ARHGAP6: variants seen among roughly 807,000 people sequenced by gnomAD.
ARHGAP6 encodes the protein Rho GTPase activating protein 6.
Under a neutral mutation model 55.7 loss-of-function variants are expected in ARHGAP6, and 16 were observed. The ratio of observed to expected loss-of-function variants is 0.29; its 90% confidence interval spans 0.19 to 0.44. The LOEUF (loss-of-function observed/expected upper bound fraction) is 0.44. ARHGAP6 is among the 20% of genes least tolerant of loss of function. The probability of loss-of-function intolerance (pLI) is 1.00; values close to 1 mark genes in which losing one functional copy is unlikely to be tolerated. For synonymous variants in ARHGAP6, 382 were observed against 360.9 expected (o/e 1.06, Z -0.66); for missense variants, 698 against 808.9 (o/e 0.86, Z 1.66).
intron 1 of ARHGAP6, among the ~76,000 whole-genome samples, chrX:11,311,585 A>C (rs1273847821): frequency 1.8e-5 from 2 of 111,861 alleles, no homozygotes; most frequent in African/African-American, 6.5e-5. Flanking sequence ...TTGTCTTAAA[A>C]ATCTCAACCT....
chrX:11,201,987 A>ATGTGTGTG (rs1250170973), intron 2 of ARHGAP6, among the ~76,000 whole-genome samples: 1 of 28,793 alleles, frequency 3.5e-5, no homozygotes, highest in Admixed American at 4.7e-4. Flanking sequence ...GAGCATCTGG[A>ATGTGTGTG]TCTGTGTGTG....
chrX:11,308,520 T>C (rs774004021), intron 1 of ARHGAP6, among the ~76,000 whole-genome samples: 9 of 111,657 alleles, frequency 8.1e-5, no homozygotes, highest in Admixed American at 6.6e-4. Flanking sequence ...CCCTAATCAG[T>C]TATCGATGTT....
chrX:11,418,244 G>A (rs917282860), intron 1 of ARHGAP6, among the ~76,000 whole-genome samples: 4 of 112,147 alleles, frequency 3.6e-5, no homozygotes, highest in Admixed American at 1.9e-4. Context: ...TTAAGAATAA[G>A]AGGTACTTTC....
chrX:11,519,309 T>A (rs921919555), intron 1 of ARHGAP6, among the ~76,000 whole-genome samples: 1 of 109,926 alleles, frequency 9.1e-6, no homozygotes, highest in African/African-American at 3.4e-5. Flanking sequence ...GTTTCCTGAC[T>A]TTTTAATGAC....
chrX:11,594,899 T>C (rs1179897550), intron 1 of ARHGAP6, among the ~76,000 whole-genome samples: 1 of 112,530 alleles, frequency 8.9e-6, no homozygotes, highest in Non-Finnish European at 1.9e-5. Flanking sequence ...AAGAAGGTTC[T>C]GAACACTTGC....
chrX:11,500,269 T>C (rs1340524152), intron 1 of ARHGAP6, among the ~76,000 whole-genome samples: 2 of 111,520 alleles, frequency 1.8e-5, no homozygotes, highest in Non-Finnish European at 3.8e-5. Context: ...CCTCTCCTTA[T>C]TGACTTGCCT....
intron 1 of ARHGAP6, among the ~76,000 whole-genome samples, chrX:11,593,364 G>T (rs1295412394): frequency 1.8e-5 from 2 of 111,707 alleles, no homozygotes; most frequent in Non-Finnish European, 3.8e-5. Flanking sequence ...CATGCCATAT[G>T]ATTCCAGTTA....
intron 1 of ARHGAP6, among the ~76,000 whole-genome samples, chrX:11,285,122 G>A (rs2047904392): frequency 9.2e-6 from 1 of 109,178 alleles, no homozygotes; most frequent in Non-Finnish European, 1.9e-5. Flanking sequence ...GTAAGCTACT[G>A]AGTGGGGAAC....
intron 1 of ARHGAP6, chrX:11,351,732 A>C (rs1399526515): frequency 4.5e-6 from 1 of 221,509 alleles, no homozygotes; most frequent in Non-Finnish European, 6.5e-6. Context: ...CTTGGAAGCC[A>C]ACTCCAGTCC....
chrX:11,436,931 TGATG>T (rs988310259), intron 1 of ARHGAP6, among the ~76,000 whole-genome samples: 1 of 110,426 alleles, frequency 9.1e-6, no homozygotes, highest in African/African-American at 3.3e-5. Flanking sequence ...CTTTACAGGG[TGATG>T]AAAATGTTCT....
At chrX:11,388,303 A>C (rs1309811057) in intron 1 of ARHGAP6, among the ~76,000 whole-genome samples, 1 of 112,082 alleles carries the variant, frequency 8.9e-6, no homozygotes, top group Non-Finnish European at 1.9e-5. Context: ...TCTGATGGCC[A>C]GTGATGATGA....
At chrX:11,549,927 C>G (rs190900012) in intron 1 of ARHGAP6, among the ~76,000 whole-genome samples, 3 of 111,956 alleles carry the variant, frequency 2.7e-5, no homozygotes, top group Non-Finnish European at 5.6e-5. Context: ...AAGCACACAC[C>G]AAGAGGATAA....
At chrX:11,310,184 T>TCACATCAC (rs1363841181) in intron 1 of ARHGAP6, among the ~76,000 whole-genome samples, 1 of 82,113 alleles carries the variant, frequency 1.2e-5, no homozygotes, top group African/African-American at 4.7e-5. Flanking sequence ...AAAAAAATTA[T>TCACATCAC]CACATCACGC....
chrX:11,625,213 G>A (rs2052281001), intron 1 of ARHGAP6, among the ~76,000 whole-genome samples: 1 of 111,272 alleles, frequency 9.0e-6, no homozygotes, highest in Admixed American at 9.5e-5. Context: ...GCATTCCCAT[G>A]TTTTTTACAG....
At chrX:11,427,969 C>T (rs1014905127) in intron 1 of ARHGAP6, among the ~76,000 whole-genome samples, 14 of 112,220 alleles carry the variant, frequency 1.2e-4, no homozygotes, top group African/African-American at 4.2e-4. Flanking sequence ...CTGCGGAGGC[C>T]GAACGCGCCC....
chrX:11,522,283 G>A (rs1356776771), intron 1 of ARHGAP6, among the ~76,000 whole-genome samples: 1 of 110,948 alleles, frequency 9.0e-6, no homozygotes, highest in Non-Finnish European at 1.9e-5. Context: ...AGAGAAAGCA[G>A]GAAAGATCTA....
At chrX:11,494,448 G>A (rs1164338197) in intron 1 of ARHGAP6, among the ~76,000 whole-genome samples, 1 of 112,322 alleles carries the variant, frequency 8.9e-6, no homozygotes, top group Non-Finnish European at 1.9e-5. Context: ...AGAAGGTCAT[G>A]GCAAATGGAC....
At chrX:11,435,462 A>C (rs1024757290) in intron 1 of ARHGAP6, among the ~76,000 whole-genome samples, 7 of 112,197 alleles carry the variant, frequency 6.2e-5, no homozygotes, top group African/African-American at 2.3e-4. Flanking sequence ...AGTGTTTTTG[A>C]AGGTATGGTC....
At chrX:11,381,800 C>T (rs912532258) in intron 1 of ARHGAP6, among the ~76,000 whole-genome samples, 5 of 112,050 alleles carry the variant, frequency 4.5e-5, no homozygotes, top group African/African-American at 1.3e-4. Context: ...GAAGGCAGTA[C>T]GAACCACTTT....
Sources: gnomAD v4.1 joint callset for allele counts (sites outside exome capture counted in the v4.1 genomes callset) on GRCh38, gnomAD v4.1.1 for gene constraint, MANE v1.5 for transcripts, NCBI Gene and HGNC (gene_info 2026-07-23, HGNC 2026-07-21) for gene names.